The following FNIP1 variants were observed in gnomAD, a reference collection of about 807,000 sequenced individuals.
The protein encoded by FNIP1 is folliculin-interacting protein 1.
Under a neutral mutation model 124.5 loss-of-function variants are expected in FNIP1, and 40 were observed. That is an observed-to-expected ratio of 0.32 (90% CI 0.25 to 0.42). The LOEUF (loss-of-function observed/expected upper bound fraction) is 0.42, where lower values mean the gene tolerates loss of function less well. FNIP1 is among the 10% of genes least tolerant of loss of function. The pLI, the probability that FNIP1 is intolerant of heterozygous loss-of-function variation, is 1.00. For missense variants in FNIP1, 1,176 were observed against 1,403.7 expected, an observed-to-expected ratio of 0.84 and a Z score of 2.59; for synonymous variants, 472 against 470.6, an observed-to-expected ratio of 1.00 and a Z score of -0.04.
chr5:131,664,433 C>T lies in FNIP1; in HGVS notation c.3108+6030G>A, dbSNP rs533895648. On this transcript the variant is annotated intron_variant, in intron 15 of 17. Transcript: ENST00000510461. The stretch of plus-strand genomic sequence containing the variant: ...GAGGATCACTTGAGGCTCCAGAGTT[C>T]GAGACCAGCCTGGATAATACAGCGA... 4.0e-5 allele frequency among the ~76,000 whole-genome samples: 6 copies of T among 151,876 alleles called. No homozygotes were observed. In the East Asian group the frequency reaches 5.8e-4, roughly 15 times the overall value.
At chr5:131,785,198 CT>C (rs1488058822) in intron 1 of FNIP1, among the ~76,000 whole-genome samples, 2 of 138,994 alleles carry the variant, frequency 1.4e-5, no homozygotes, top group South Asian at 2.3e-4. Flanking sequence ...ATATATATGA[CT>C]ATATATATAT....
At chr5:131,735,160 G>A in intron 2 of FNIP1, among the ~76,000 whole-genome samples, 1 of 151,898 alleles carries the variant, frequency 6.6e-6, no homozygotes, top group Non-Finnish European at 1.5e-5. Context: ...TCCTTTGTAG[G>A]GACACGGATG....
intron 15 of FNIP1, among the ~76,000 whole-genome samples, chr5:131,665,559 T>C (rs1363493500): frequency 1.3e-5 from 2 of 150,798 alleles, no homozygotes; most frequent in Non-Finnish European, 3.0e-5. Context: ...ACTTTAAGTA[T>C]GCAAGGATTA....
At chr5:131,658,943 C>T (rs1286808625) in intron 15 of FNIP1, among the ~76,000 whole-genome samples, 1 of 118,628 alleles carries the variant, frequency 8.4e-6, no homozygotes, top group Non-Finnish European at 1.8e-5. Context: ...AAAATCACCA[C>T]CAAAAACAAA....
At chr5:131,677,034 G>A (rs775361624) in intron 13 of FNIP1, among the ~76,000 whole-genome samples, 6 of 152,160 alleles carry the variant, frequency 3.9e-5, no homozygotes, top group East Asian at 1.9e-4. Context: ...CTACGTTTAC[G>A]AGACACAGTC....
At chr5:131,742,129 T>C (rs1446009064) in intron 2 of FNIP1, among the ~76,000 whole-genome samples, 1 of 152,152 alleles carries the variant, frequency 6.6e-6, no homozygotes, top group South Asian at 2.1e-4. Flanking sequence ...CATGGCGACA[T>C]TATGTTCTAA....
chr5:131,715,892 A>G (rs942891213), intron 6 of FNIP1, among the ~76,000 whole-genome samples: 2 of 152,108 alleles, frequency 1.3e-5, no homozygotes, highest in African/African-American at 4.8e-5. Context: ...AAAATGGAAG[A>G]AATATTAATA....
chr5:131,644,658 AC>A lies in FNIP1; in HGVS notation c.*26del. 6.3e-7 allele frequency: 1 copy of A among 1,599,656 alleles called. No homozygotes were observed. Among genetic ancestry groups the A allele is most frequent in the Non-Finnish European group, 8.6e-7 (1 of 1,167,592 alleles). On this transcript the variant is annotated 3_prime_UTR_variant, in exon 18 of 18. Transcript: ENST00000510461. ...TTCCTTGGTTTCTACCTATTTTCCC[AC>A]CAATTTCTAACAATTTTTAGGTATA...
chr5:131,727,567 G>A (rs1204353629), intron 3 of FNIP1, among the ~76,000 whole-genome samples: 1 of 152,004 alleles, frequency 6.6e-6, no homozygotes, highest in Non-Finnish European at 1.5e-5. Flanking sequence ...GAGCCTATGT[G>A]TATCTTTGCA....
intron 10 of FNIP1, among the ~76,000 whole-genome samples, chr5:131,700,358 T>A (rs765314226): frequency 3.9e-5 from 6 of 152,138 alleles, no homozygotes; most frequent in Non-Finnish European, 5.9e-5. Context: ...GGATCAGGAT[T>A]AGGATATGGA....
chr5:131,735,906 A>G (rs1031389806), intron 2 of FNIP1, among the ~76,000 whole-genome samples: 6 of 151,978 alleles, frequency 3.9e-5, no homozygotes, highest in Admixed American at 1.3e-4. Context: ...CAGAGCTGGG[A>G]CTACAGGCGT....
chr5:131,793,636 C>T (rs1230096648), intron 1 of FNIP1, among the ~76,000 whole-genome samples: 1 of 152,150 alleles, frequency 6.6e-6, no homozygotes, highest in Non-Finnish European at 1.5e-5. Context: ...GCCATCTCTT[C>T]CAATGGGGTA....
chr5:131,752,318 C>T (rs1770900536), intron 1 of FNIP1, among the ~76,000 whole-genome samples: 1 of 152,086 alleles, frequency 6.6e-6, no homozygotes, highest in Non-Finnish European at 1.5e-5. Context: ...GCTGGGATTA[C>T]AGGTGTGAGC....
At chr5:131,683,147 A>T (rs1052102292) in intron 11 of FNIP1, among the ~76,000 whole-genome samples, 1 of 152,150 alleles carries the variant, frequency 6.6e-6, no homozygotes, top group Non-Finnish European at 1.5e-5. Flanking sequence ...ATAATCCCTT[A>T]ATTTAAGAAG....
intron 11 of FNIP1, among the ~76,000 whole-genome samples, chr5:131,685,442 A>G (rs1253981048): frequency 1.4e-5 from 2 of 141,074 alleles, no homozygotes; most frequent in East Asian, 4.3e-4. Context: ...CAAAACCCTT[A>G]AGAATCTTTT....
intron 6 of FNIP1, among the ~76,000 whole-genome samples, chr5:131,715,675 C>T (rs192553085): frequency 2.0e-5 from 3 of 152,114 alleles, no homozygotes; most frequent in East Asian, 1.9e-4. Context: ...TTCTATAACA[C>T]ACACACATTA....
At chr5:131,718,071 A>T (rs1334494713) in intron 5 of FNIP1, among the ~76,000 whole-genome samples, 1 of 151,542 alleles carries the variant, frequency 6.6e-6, no homozygotes, top group Non-Finnish European at 1.5e-5. Context: ...CTGCGCCTGT[A>T]GTCCCACCTA....
At chr5:131,670,114 C>T (rs1478234207) in intron 15 of FNIP1, among the ~76,000 whole-genome samples, 1 of 152,122 alleles carries the variant, frequency 6.6e-6, no homozygotes, top group East Asian at 1.9e-4. Flanking sequence ...AAGCCAACCC[C>T]ACTTCTATAT....
At chr5:131,723,065 A>C (rs1222286952) in intron 3 of FNIP1, among the ~76,000 whole-genome samples, 1 of 152,176 alleles carries the variant, frequency 6.6e-6, no homozygotes, top group African/African-American at 2.4e-5. Flanking sequence ...TATTCTTGAG[A>C]TTTGGTTAAG....
Sources: gnomAD v4.1 joint callset for allele counts (sites outside exome capture counted in the v4.1 genomes callset) on GRCh38, gnomAD v4.1.1 for gene constraint, MANE v1.5 for transcripts, NCBI Gene and HGNC (gene_info 2026-07-23, HGNC 2026-07-21) for gene names.